PPARG: variants seen among roughly 807,000 people sequenced by gnomAD.
PPARG encodes the protein peroxisome proliferator-activated receptor gamma.
Under a neutral mutation model 39.2 loss-of-function variants are expected in PPARG, and 17 were observed. The ratio of observed to expected loss-of-function variants is 0.43; its 90% CI spans 0.30 to 0.65. The LOEUF is 0.65. Among genes scored for constraint, PPARG ranks in the 30% least tolerant of loss-of-function variants. The probability of loss-of-function intolerance (pLI) is 0.13; values close to 1 mark genes in which losing one functional copy is unlikely to be tolerated. For synonymous variants in PPARG, 223 were observed against 215.7 expected, an observed-to-expected ratio of 1.03 and a Z score of -0.30; for missense variants, 406 against 585.9, an observed-to-expected ratio of 0.69 and a Z score of 3.17.
At chr3:12,368,439 C>T (rs114252958) in intron 2 of PPARG, among the ~76,000 whole-genome samples, 1,859 of 152,208 alleles carry the variant, frequency 0.012, 15 homozygotes, top group Non-Finnish European at 0.019. Context: ...ACCTTGTCTT[C>T]CCAAAGTGCT....
At chr3:12,382,111 G>A (rs2049692213) in intron 4 of PPARG, among the ~76,000 whole-genome samples, 1 of 152,070 alleles carries the variant, frequency 6.6e-6, no homozygotes, top group African/African-American at 2.4e-5. Flanking sequence ...CTTAGTAAGT[G>A]GCAGACCGCA....
intron 5 of PPARG, among the ~76,000 whole-genome samples, chr3:12,395,903 T>G (rs931259669): frequency 6.6e-6 from 1 of 152,132 alleles, no homozygotes; most frequent in African/African-American, 2.4e-5. Context: ...CAGCGGTGTA[T>G]GTAACTTACC....
intron 4 of PPARG, among the ~76,000 whole-genome samples, chr3:12,388,516 T>A (rs2049959951): frequency 6.6e-6 from 1 of 152,150 alleles, no homozygotes; most frequent in Admixed American, 6.6e-5. Context: ...GGATTCTCAA[T>A]AGTGTCTGAA....
At chr3:12,432,743 C>G (rs1169163623) in intron 7 of PPARG, among the ~76,000 whole-genome samples, 1 of 152,054 alleles carries the variant, frequency 6.6e-6, no homozygotes, top group Non-Finnish European at 1.5e-5. Context: ...AGTAGAAATC[C>G]ATGATTAAAA....
chr3:12,371,459 T>A (rs529649334), intron 2 of PPARG, among the ~76,000 whole-genome samples: 27 of 152,338 alleles, frequency 1.8e-4, no homozygotes, highest in African/African-American at 6.5e-4. Flanking sequence ...AATTCAGAGT[T>A]CATGACTTTT....
chr3:12,375,516 TAA>T (rs1443051647), intron 2 of PPARG, among the ~76,000 whole-genome samples: 2 of 152,206 alleles, frequency 1.3e-5, no homozygotes, highest in Non-Finnish European at 2.9e-5. Flanking sequence ...AAATAGGTGA[TAA>T]ACCCACCTTT....
intron 2 of PPARG, among the ~76,000 whole-genome samples, chr3:12,366,779 A>G (rs2938397): frequency 0.65 from 99,508 of 151,972 alleles, 32,832 homozygotes; most frequent in South Asian, 0.78. Flanking sequence ...CTTTTCATAC[A>G]TTATCGGATT....
At chr3:12,356,165 G>A (rs112622681) in intron 2 of PPARG, among the ~76,000 whole-genome samples, 6 of 152,334 alleles carry the variant, frequency 3.9e-5, no homozygotes, top group African/African-American at 1.4e-4. Context: ...TGAAAATATA[G>A]GTGATAATGA....
At chr3:12,316,458 A>G (rs6800910) in intron 2 of PPARG, among the ~76,000 whole-genome samples, 3,164 of 152,258 alleles carry the variant, frequency 0.021, 104 homozygotes, top group African/African-American at 0.072. Flanking sequence ...ACGGGGAGTT[A>G]GTGTTTAATG....
chr3:12,318,770 A>C (rs1402746023), intron 2 of PPARG, among the ~76,000 whole-genome samples: 1 of 152,134 alleles, frequency 6.6e-6, no homozygotes, highest in East Asian at 1.9e-4. Context: ...TAATACATAT[A>C]CAGTGTTACA....
Position 12,366,828 on chromosome 3 carries a change from G to C in PPARG, c.-8-12876G>C, listed in dbSNP as rs1031238947. Among the ~76,000 whole-genome samples, 5 of 152,108 alleles carry C rather than the reference G, an allele frequency of 3.3e-5. No individual in the cohort carries two copies. The South Asian group carries it at 1.0e-3, about 32-fold the overall frequency. On this transcript the variant is annotated intron_variant, in intron 2 of 7. Transcript: ENST00000651735. ...TTTTGTTAAAGATTTCTGCATGTCT[G>C]TCCATGAGAGATTGGTCTATAGGGT...
intron 5 of PPARG, among the ~76,000 whole-genome samples, chr3:12,400,996 A>G (rs2050451266): frequency 6.6e-6 from 1 of 152,252 alleles, no homozygotes; most frequent in Non-Finnish European, 1.5e-5. Flanking sequence ...GTTCTTGCTC[A>G]GTGACTCACA....
chr3:12,376,788 G>T (rs144914490), intron 2 of PPARG, among the ~76,000 whole-genome samples: 2 of 152,140 alleles, frequency 1.3e-5, no homozygotes, highest in South Asian at 2.1e-4. Flanking sequence ...AATGTATTTA[G>T]TATTTAATAA....
At chr3:12,377,466 A>ATTGAGTAAT (rs1370832167) in intron 2 of PPARG, among the ~76,000 whole-genome samples, 1 of 152,168 alleles carries the variant, frequency 6.6e-6, no homozygotes, top group Non-Finnish European at 1.5e-5. Context: ...AGAAAAGATT[A>ATTGAGTAAT]TTGAGTAATT....
intron 6 of PPARG, 111 bp downstream of exon 6, chr3:12,406,192 C>A: frequency 9.1e-7 from 1 of 1,103,284 alleles, no homozygotes; most frequent in Non-Finnish European, 1.4e-6. Flanking sequence ...GAATATTGTT[C>A]AACTGTTGGC....
intron 1 of PPARG, among the ~76,000 whole-genome samples, chr3:12,310,231 T>C (rs1403653692): frequency 2.6e-5 from 4 of 152,140 alleles, no homozygotes; most frequent in Non-Finnish European, 4.4e-5. Flanking sequence ...GATCCGACAC[T>C]TGGGGCTACA....
chr3:12,319,729 A>C (rs897828442), intron 2 of PPARG, among the ~76,000 whole-genome samples: 6 of 151,878 alleles, frequency 4.0e-5, no homozygotes. Context: ...AAGAACCTTA[A>C]CCATGTTGTT....
chr3:12,409,195 C>T (rs1445523527), intron 6 of PPARG, among the ~76,000 whole-genome samples: 1 of 152,210 alleles, frequency 6.6e-6, no homozygotes, highest in Non-Finnish European at 1.5e-5. Flanking sequence ...GGACTTTCAA[C>T]AGAGGGCCTC....
intron 2 of PPARG, among the ~76,000 whole-genome samples, chr3:12,378,024 C>T (rs895521206): frequency 6.6e-6 from 1 of 152,106 alleles, no homozygotes; most frequent in African/African-American, 2.4e-5. Context: ...AAGGTACTCA[C>T]CATCACTAAT....
Sources: gnomAD v4.1 joint callset for allele counts (sites outside exome capture counted in the v4.1 genomes callset) on GRCh38, gnomAD v4.1.1 for gene constraint, MANE v1.5 for transcripts, NCBI Gene and HGNC (gene_info 2026-07-23, HGNC 2026-07-21) for gene names.